TANC2: variants seen among roughly 807,000 people sequenced by gnomAD.
TANC2 encodes protein TANC2.
In TANC2, 26 loss-of-function variants were observed where a neutral mutation model predicts 210.5. That is an observed-to-expected ratio of 0.12 (90% CI 0.09 to 0.17). The LOEUF is 0.17. Ranked by LOEUF, TANC2 falls within the 10% of genes least tolerant of loss-of-function variation. The probability of loss-of-function intolerance (pLI) is 1.00; values close to 1 mark genes in which losing one functional copy is unlikely to be tolerated. For missense variants in TANC2, 2,129 were observed against 2,608.9 expected, an observed-to-expected ratio of 0.82 and a Z score of 4.01; for synonymous variants, 931 against 967.1, an observed-to-expected ratio of 0.96 and a Z score of 0.69.
intron 1 of TANC2, among the ~76,000 whole-genome samples, chr17:62,978,065 G>A (rs2143368021): frequency 6.6e-6 from 1 of 152,252 alleles, no homozygotes; most frequent in Middle Eastern, 3.4e-3. Context: ...ATAGTACACT[G>A]TACCATAATT....
chr17:63,138,055 G>A (rs959703490), intron 4 of TANC2, among the ~76,000 whole-genome samples: 8 of 152,256 alleles, frequency 5.3e-5, no homozygotes, highest in South Asian at 2.1e-4. Context: ...ACATGACTGA[G>A]CTTGAAGGAG....
chr17:63,003,527 GGCAGGATGGA>G, intron 1 of TANC2, among the ~76,000 whole-genome samples: 1 of 152,344 alleles, frequency 6.6e-6, no homozygotes, highest in East Asian at 1.9e-4. Context: ...TTACCTCCCA[GGCAGGATGGA>G]GCAGGATGGT....
chr17:63,103,786 G>A (rs907848257), intron 4 of TANC2, among the ~76,000 whole-genome samples: 5 of 152,172 alleles, frequency 3.3e-5, no homozygotes, highest in African/African-American at 9.7e-5. Flanking sequence ...TTTTTAATGA[G>A]TAATAGCAAT....
At chr17:63,318,297 T>C (rs1018778455) in intron 10 of TANC2, among the ~76,000 whole-genome samples, 1 of 152,240 alleles carries the variant, frequency 6.6e-6, no homozygotes, top group Non-Finnish European at 1.5e-5. Flanking sequence ...TAAGAACAAA[T>C]TGAATTTTTA....
intron 4 of TANC2, among the ~76,000 whole-genome samples, chr17:63,104,207 G>A (rs1228842729): frequency 6.6e-6 from 1 of 152,152 alleles, no homozygotes; most frequent in African/African-American, 2.4e-5. Flanking sequence ...TGGGGGCGAT[G>A]TGGAAAAGAG....
At chr17:63,193,695 G>T (rs1446619465) in intron 5 of TANC2, among the ~76,000 whole-genome samples, 1 of 152,128 alleles carries the variant, frequency 6.6e-6, no homozygotes, top group African/African-American at 2.4e-5. Context: ...AATAAATATG[G>T]ACGGTAAGTC....
chr17:63,210,406 T>C (rs2145864755), intron 7 of TANC2, among the ~76,000 whole-genome samples: 1 of 152,352 alleles, frequency 6.6e-6, no homozygotes, highest in Middle Eastern at 3.4e-3. Context: ...CCCTCCCTTC[T>C]CTGGATTTCC....
chr17:63,072,615 G>A (rs1462452754), intron 2 of TANC2, among the ~76,000 whole-genome samples: 1 of 151,990 alleles, frequency 6.6e-6, no homozygotes, highest in Non-Finnish European at 1.5e-5. Context: ...ATCTTTCTAT[G>A]TGATAAGTTA....
In TANC2 at chr17:63,420,836, C is replaced by T. The variant is rs1202927702; in HGVS notation, c.5106C>T (p.Pro1702=). 4 of 1,614,036 alleles carry T rather than the reference C, an allele frequency of 2.5e-6. No homozygotes were observed. The Admixed American group carries it at 5.0e-5, about 20-fold the overall frequency. Residue 1702 remains proline (P), a synonymous_variant, in exon 28 of 28, where the codon CCC becomes CCT. Coordinates refer to ENST00000689528, the Ensembl canonical transcript of TANC2. This position sits in a 1 kb window ranked among gnomAD's most constrained non-coding sequence, Gnocchi z 4.2. ...CCCAGATTGTGAGAAGTAACCAGCC[C>T]AGCCCAGCCGTCCATTCAAGCACCG...
chr17:63,204,605 A>G (rs557100856), intron 7 of TANC2, among the ~76,000 whole-genome samples: 18 of 152,076 alleles, frequency 1.2e-4, no homozygotes, highest in African/African-American at 3.9e-4. Context: ...TTCTAAAAAA[A>G]AAAGAAAGAA....
At chr17:63,126,421 G>T (rs933356666) in intron 4 of TANC2, among the ~76,000 whole-genome samples, 68 of 152,078 alleles carry the variant, frequency 4.5e-4, no homozygotes, top group African/African-American at 1.5e-3. Flanking sequence ...TGCTGCTGTT[G>T]TTTTTTGACG....
intron 1 of TANC2, among the ~76,000 whole-genome samples, chr17:62,972,841 T>C (rs997353498): frequency 1.3e-5 from 2 of 152,158 alleles, no homozygotes; most frequent in Non-Finnish European, 2.9e-5. Flanking sequence ...CATGCCTTTA[T>C]GAAGTTCTTT....
At chr17:63,401,871 T>A (rs2048354497) in intron 19 of TANC2, among the ~76,000 whole-genome samples, 1 of 152,192 alleles carries the variant, frequency 6.6e-6, no homozygotes, top group Admixed American at 6.5e-5. Context: ...GACATAAACT[T>A]ACTAGATTCC....
At chr17:63,229,181 A>G (rs941354172) in intron 7 of TANC2, among the ~76,000 whole-genome samples, 4 of 152,184 alleles carry the variant, frequency 2.6e-5, no homozygotes, top group African/African-American at 9.7e-5. Context: ...GTCTATTGAA[A>G]TGATCATGTG....
intron 21 of TANC2, among the ~76,000 whole-genome samples, chr17:63,409,198 G>A (rs1238421697): frequency 1.3e-5 from 2 of 151,964 alleles, no homozygotes; most frequent in Non-Finnish European, 2.9e-5. Context: ...TAGAGGCAAG[G>A]TCTCACTCCA....
At chr17:63,319,486 G>A (rs2146626002) in intron 11 of TANC2, among the ~76,000 whole-genome samples, 1 of 152,236 alleles carries the variant, frequency 6.6e-6, no homozygotes, top group African/African-American at 2.4e-5. Flanking sequence ...CTGTAGCTGG[G>A]ACTACAGGTG....
chr17:63,252,883 GTT>G (rs1246860982), intron 8 of TANC2, among the ~76,000 whole-genome samples: 56 of 152,104 alleles, frequency 3.7e-4, no homozygotes, highest in Admixed American at 6.5e-4. Context: ...CCAGTCTTCT[GTT>G]GATGGACACT....
At chr17:63,283,167 T>G (rs2044111148) in intron 9 of TANC2, among the ~76,000 whole-genome samples, 1 of 152,024 alleles carries the variant, frequency 6.6e-6, no homozygotes, top group Admixed American at 6.6e-5. Context: ...TTTCGGTTTC[T>G]TCTTTTTGGA....
chr17:63,257,311 T>C (rs2043223625), intron 8 of TANC2, among the ~76,000 whole-genome samples: 1 of 152,164 alleles, frequency 6.6e-6, no homozygotes, highest in South Asian at 2.1e-4. Context: ...GTATCTGTTG[T>C]TGGCTTTTTG....
Sources: allele counts gnomAD v4.1 joint callset (sites outside exome capture counted in the v4.1 genomes callset), GRCh38; gene constraint gnomAD v4.1.1; non-coding constraint Gnocchi (gnomAD v3.1); transcripts MANE v1.5; gene names NCBI Gene and HGNC (gene_info 2026-07-23, HGNC 2026-07-21).